Variants in PAX5 observed in about 807,000 individuals in gnomAD.
PAX5 encodes paired box protein Pax-5.
Under a neutral mutation model 43.7 loss-of-function variants are expected in PAX5, and 9 were observed. That is an observed-to-expected ratio of 0.21 (90% confidence interval 0.12 to 0.36). The LOEUF (loss-of-function observed/expected upper bound fraction) is 0.36, where lower values mean the gene tolerates loss of function less well. PAX5 is among the 10% of genes least tolerant of loss of function. PAX5 has a pLI of 1.00. For synonymous variants in PAX5, 228 were observed against 214.3 expected (o/e 1.06, Z -0.56); for missense variants, 383 against 532.7 (o/e 0.72, Z 2.77).
chr9:36,950,441 T>C (rs529010668), intron 6 of PAX5, among the ~76,000 whole-genome samples: 34 of 152,078 alleles, frequency 2.2e-4, no homozygotes, highest in Non-Finnish European at 3.8e-4. Context: ...ACCCTGGTGG[T>C]TACCTCTTCC....
chr9:36,936,838 AC>A (rs1831595102), intron 6 of PAX5, among the ~76,000 whole-genome samples: 1 of 100,668 alleles, frequency 9.9e-6, no homozygotes, highest in South Asian at 3.5e-4. Flanking sequence ...ATGCACACAC[AC>A]ACACACACAT....
intron 3 of PAX5, among the ~76,000 whole-genome samples, chr9:37,013,184 T>C (rs1298277688): frequency 6.6e-6 from 1 of 152,200 alleles, no homozygotes; most frequent in African/African-American, 2.4e-5. Context: ...TCTTGAAGAA[T>C]GCAAAAAATC....
intron 6 of PAX5, among the ~76,000 whole-genome samples, chr9:36,948,575 T>C (rs1327469505): frequency 6.6e-6 from 1 of 152,174 alleles, no homozygotes. Flanking sequence ...GTGATACAAA[T>C]TGTTATTTTG....
At chr9:36,914,680 A>G (rs551275456) in intron 7 of PAX5, among the ~76,000 whole-genome samples, 20 of 152,342 alleles carry the variant, frequency 1.3e-4, no homozygotes, top group African/African-American at 4.8e-4. Flanking sequence ...GGCACTGTGA[A>G]TATATGCTAT....
chr9:36,930,941 AC>A, intron 6 of PAX5: 1 of 844,674 alleles, frequency 1.2e-6, no homozygotes, highest in Non-Finnish European at 1.7e-6. Context: ...AGCACGGGGC[AC>A]CACTGCCATA....
At chr9:36,874,130 C>A (rs1157766368) in intron 8 of PAX5, among the ~76,000 whole-genome samples, 1 of 152,210 alleles carries the variant, frequency 6.6e-6, no homozygotes, top group East Asian at 1.9e-4. Context: ...ACCTCAATAC[C>A]CTTCCTATCT....
At chr9:36,987,382 G>T (rs1286645757) in intron 5 of PAX5, among the ~76,000 whole-genome samples, 1 of 152,210 alleles carries the variant, frequency 6.6e-6, no homozygotes, top group Non-Finnish European at 1.5e-5. Flanking sequence ...CCACAGAGCG[G>T]GTATGTGAGA....
At chr9:36,895,493 T>C (rs891365200) in intron 7 of PAX5, among the ~76,000 whole-genome samples, 1 of 152,228 alleles carries the variant, frequency 6.6e-6, no homozygotes, top group Non-Finnish European at 1.5e-5. Flanking sequence ...AGTTGTTCTA[T>C]AACCTTGGGC....
At chr9:36,968,132 G>C (rs1185463760) in intron 5 of PAX5, among the ~76,000 whole-genome samples, 1 of 152,136 alleles carries the variant, frequency 6.6e-6, no homozygotes, top group African/African-American at 2.4e-5. Context: ...CAGAGGTGAG[G>C]CATCTGCCTT....
At position 36,904,942 on chromosome 9, in the gene PAX5, G is replaced by A. The variant is rs549661684; in HGVS notation, c.910+18413C>T. On this transcript the variant is annotated intron_variant, in intron 7 of 9. Transcript: ENST00000358127. ...AATTCAGAATCTTGTAGACTAAGAA[G>A]AAAGTTAGGCTGGACACAAAGAATT... is the stretch of plus-strand genomic sequence containing the variant. 7.2e-5 allele frequency among the ~76,000 whole-genome samples: 11 copies of A among 152,316 alleles called. No homozygotes were observed. The South Asian group carries it at 2.3e-3, about 32-fold the overall frequency.
chr9:37,025,259 C>T (rs562422615), intron 1 of PAX5, among the ~76,000 whole-genome samples: 52 of 152,340 alleles, frequency 3.4e-4, no homozygotes, highest in African/African-American at 1.2e-3. Context: ...CCAGCCCTGG[C>T]TGCCTACACA....
intron 7 of PAX5, among the ~76,000 whole-genome samples, chr9:36,895,613 G>C (rs1827796285): frequency 6.6e-6 from 1 of 152,196 alleles, no homozygotes; most frequent in Admixed American, 6.5e-5. Context: ...GAAGCCGCCT[G>C]GCCCATGTAA....
At chr9:36,872,120 C>G (rs552919465) in intron 8 of PAX5, among the ~76,000 whole-genome samples, 1 of 152,304 alleles carries the variant, frequency 6.6e-6, no homozygotes, top group African/African-American at 2.4e-5. Context: ...CAAAAGCCAG[C>G]CCTGGCCTGC....
chr9:36,872,848 T>C (rs943474432), intron 8 of PAX5, among the ~76,000 whole-genome samples: 2 of 152,192 alleles, frequency 1.3e-5, no homozygotes, highest in African/African-American at 2.4e-5. Flanking sequence ...TGCAAGGCTA[T>C]TGGATGCTCA....
chr9:37,016,060 G>A (rs1377262507), intron 2 of PAX5, among the ~76,000 whole-genome samples: 1 of 152,194 alleles, frequency 6.6e-6, no homozygotes, highest in Admixed American at 6.5e-5. Flanking sequence ...ACAAATAAAT[G>A]AATAGGTCCT....
intron 7 of PAX5, among the ~76,000 whole-genome samples, chr9:36,920,459 C>G (rs953378019): frequency 2.0e-5 from 3 of 152,162 alleles, no homozygotes; most frequent in Non-Finnish European, 4.4e-5. Context: ...CCTCCACCAG[C>G]AAAAAGATGA....
rs576063374 is a variant in PAX5, at chr9:36,949,210, G to A, written c.780+17339C>T. ...CAAGCAGCTGGGACCACAGGGGCCC[G>A]CCACCACGCCTGGCTAATTTTTTGT... On this transcript the variant is annotated intron_variant, in intron 6 of 9. Coordinates refer to ENST00000358127, the MANE Select transcript of PAX5 (RefSeq NM_016734.3). 8.7e-5 allele frequency among the ~76,000 whole-genome samples: 13 copies of A among 148,778 alleles called. No homozygotes were observed. In the East Asian group the frequency reaches 1.8e-3, roughly 20 times the overall value.
chr9:36,933,705 C>T (rs1831315728), intron 6 of PAX5, among the ~76,000 whole-genome samples: 1 of 152,178 alleles, frequency 6.6e-6, no homozygotes, highest in South Asian at 2.1e-4. Flanking sequence ...GGAGGAATGC[C>T]CTGCGTTCTT....
chr9:36,932,812 G>C (rs1279430760), intron 6 of PAX5, among the ~76,000 whole-genome samples: 1 of 152,102 alleles, frequency 6.6e-6, no homozygotes, highest in Non-Finnish European at 1.5e-5. Context: ...TGAATCTGGG[G>C]GAGGGGTGCT....
Sources: allele counts gnomAD v4.1 joint callset (sites outside exome capture counted in the v4.1 genomes callset), GRCh38; gene constraint gnomAD v4.1.1; transcripts MANE v1.5; gene names NCBI Gene and HGNC (gene_info 2026-07-23, HGNC 2026-07-21).